SPTBN1: variants seen among roughly 807,000 people sequenced by gnomAD.
SPTBN1 encodes spectrin beta chain, non-erythrocytic 1.
In SPTBN1, 32 loss-of-function variants were observed where a neutral mutation model predicts 266.4. That is an observed-to-expected ratio of 0.12 (90% confidence interval 0.09 to 0.16). SPTBN1 has a LOEUF of 0.16. Among genes scored for constraint, SPTBN1 ranks in the 10% least tolerant of loss-of-function variants. The pLI is 1.00. For synonymous variants in SPTBN1, 1,336 were observed against 1,162.2 expected (o/e 1.15, Z -3.04); for missense variants, 2,296 against 3,067.1 (o/e 0.75, Z 5.94).
At chr2:54,494,849 C>G (rs1431330302) in intron 1 of SPTBN1, among the ~76,000 whole-genome samples, 6 of 151,334 alleles carry the variant, frequency 4.0e-5, no homozygotes, top group African/African-American at 1.2e-4. Context: ...ATACATAGGT[C>G]AAAACTTGCC....
At chr2:54,539,828 C>T (rs1489095674) in intron 2 of SPTBN1, among the ~76,000 whole-genome samples, 1 of 151,212 alleles carries the variant, frequency 6.6e-6, no homozygotes, top group Non-Finnish European at 1.5e-5. Flanking sequence ...AGGTGTGAGC[C>T]ACTGTGCGTG....
intron 28 of SPTBN1, 91 bp downstream of exon 28, chr2:54,655,299 T>TG: frequency 6.7e-7 from 1 of 1,498,638 alleles, no homozygotes; most frequent in Non-Finnish European, 9.1e-7. Flanking sequence ...AGATACTGTG[T>TG]TTACATTCTT....
In SPTBN1 at chr2:54,612,398, T is replaced by C. The variant is rs778800472; in HGVS notation, c.474+64T>C. 44 of 1,522,910 alleles carry C rather than the reference T, an allele frequency of 2.9e-5. No homozygotes were observed. The South Asian group carries it at 3.7e-4, about 13-fold the overall frequency. The allele number at this position is 1,522,910 out of a possible 1,614,324, so 94.3% of individuals were successfully genotyped here. On this transcript the variant is annotated intron_variant, in intron 4 of 35. Transcript: ENST00000356805. Reference sequence around the variant, plus strand: ...GACCTCTCAGGTATGAGCATTGTTATAGAGCTGGCCTCCCTGTATCAGAGG... The same window carrying C: ...GACCTCTCAGGTATGAGCATTGTTACAGAGCTGGCCTCCCTGTATCAGAGG...
At chr2:54,504,667 A>G (rs920884771) in intron 1 of SPTBN1, among the ~76,000 whole-genome samples, 2 of 152,142 alleles carry the variant, frequency 1.3e-5, no homozygotes, top group Non-Finnish European at 2.9e-5. Flanking sequence ...TATATAAGGG[A>G]CCTGAGCGTC....
Position 54,473,767 on chromosome 2 carries a change from A to G in SPTBN1, c.-48+17249A>G, listed in dbSNP as rs72913102. ...AGCAGGCAAAAAGTTAAATACTCAAATGTTCCTTTTCTGGATTATTGTCTG... is the reference window on the plus strand; with the variant it reads ...AGCAGGCAAAAAGTTAAATACTCAAGTGTTCCTTTTCTGGATTATTGTCTG... On this transcript the variant is annotated intron_variant, in intron 1 of 35. Coordinates refer to ENST00000356805, the MANE Select transcript of SPTBN1 (RefSeq NM_003128.3). 9.9e-3 allele frequency among the ~76,000 whole-genome samples: 1,504 copies of G among 152,306 alleles called. 33 individuals are homozygous for G. The highest frequency in any genetic ancestry group is 0.034 in the African/African-American group (1,428 of 41,558).
intron 18 of SPTBN1, 149 bp downstream of exon 18, chr2:54,637,952 T>C: frequency 3.2e-6 from 2 of 628,000 alleles, no homozygotes; most frequent in Non-Finnish European, 5.6e-6. Flanking sequence ...TACGTGGCAC[T>C]TCATCAGTTC....
In SPTBN1 at chr2:54,493,344, T is replaced by A. The variant is rs115723058; in HGVS notation, c.-47-33028T>A. Among the ~76,000 whole-genome samples, 1,170 of 151,516 alleles carry A rather than the reference T, an allele frequency of 7.7e-3. 16 individuals are homozygous for A. Among genetic ancestry groups the A allele is most frequent in the African/African-American group, 0.027 (1,123 of 41,392 alleles). ...TTGATGTTTCTAGTTTTCTTATAAT[T>A]TCCTTCTGTGTTCTGGGTTGCTCTT... is the stretch of plus-strand genomic sequence containing the variant. On this transcript the variant is annotated intron_variant, in intron 1 of 35. Coordinates refer to ENST00000356805, the MANE Select transcript of SPTBN1 (RefSeq NM_003128.3).
At chr2:54,503,589 A>G (rs562465889) in intron 1 of SPTBN1, among the ~76,000 whole-genome samples, 16 of 152,350 alleles carry the variant, frequency 1.1e-4, no homozygotes, top group Non-Finnish European at 2.4e-4. Context: ...CTTGTAGGTC[A>G]TTATTTTGAT....
rs181167776 is a variant in SPTBN1, at chr2:54,563,437, A to G, written c.149-35655A>G. ...TGAAGTGCTCTGTCTTCCTTGGGAC[A>G]TAGAGATTAAAGAATTTCAGGTCAT... On this transcript the variant is annotated intron_variant, in intron 2 of 35. Coordinates refer to ENST00000356805, the MANE Select transcript of SPTBN1 (RefSeq NM_003128.3). 2.6e-3 allele frequency among the ~76,000 whole-genome samples: 394 copies of G among 152,282 alleles called. 2 individuals carry two copies. The highest frequency in any genetic ancestry group is 6.7e-3 in the Admixed American group (102 of 15,292).
chr2:54,615,262 G>T (rs1192158639), intron 4 of SPTBN1, among the ~76,000 whole-genome samples: 2 of 152,104 alleles, frequency 1.3e-5, no homozygotes, highest in Non-Finnish European at 1.5e-5. Context: ...ATTCTGGGAA[G>T]TGTTTGTAGA....
intron 3 of SPTBN1, 40 bp from the exon 4 acceptor site, chr2:54,612,121 G>A (rs966326412): frequency 6.5e-7 from 1 of 1,544,456 alleles, no homozygotes; most frequent in Non-Finnish European, 8.8e-7. Flanking sequence ...TCTCTACTCT[G>A]TTGGGTGATG....
rs1479029020 is a variant in SPTBN1 at position 54,558,301 on chromosome 2, G to A, written c.148+31735G>A. ...TAGCCTGCATTTCTAATACAATGCT[G>A]TTATGCTAATCAGGTGACATCACCG... On this transcript the variant is annotated intron_variant, in intron 2 of 35. Transcript: ENST00000356805. The surrounding 1 kb of genome is among the most constrained non-coding windows in gnomAD (Gnocchi z 4.6). 6 of 986,884 alleles carry A rather than the reference G, an allele frequency of 6.1e-6. No homozygotes were observed. Among genetic ancestry groups the A allele is most frequent in the Admixed American group, 6.1e-5 (1 of 16,352 alleles). 61.1% of individuals were successfully genotyped at this position (986,884 alleles called of 1,614,324 possible). A position where few individuals can be genotyped will look rare whatever the true frequency, so the allele number is the denominator to read the frequency against.
At chr2:54,501,263 A>G (rs1469516364) in intron 1 of SPTBN1, among the ~76,000 whole-genome samples, 1 of 152,184 alleles carries the variant, frequency 6.6e-6, no homozygotes, top group East Asian at 1.9e-4. Flanking sequence ...GAGGCATGAT[A>G]AACTGCCTCT....
chr2:54,487,439 T>C (rs1309459475), intron 1 of SPTBN1, among the ~76,000 whole-genome samples: 1 of 152,184 alleles, frequency 6.6e-6, no homozygotes, highest in Non-Finnish European at 1.5e-5. Context: ...TGCAGAGTAA[T>C]GATGATTCAA....
chr2:54,668,078 A>G (rs1386113651), intron 35 of SPTBN1, among the ~76,000 whole-genome samples: 2 of 152,212 alleles, frequency 1.3e-5, no homozygotes, highest in Non-Finnish European at 2.9e-5. Context: ...CTAGGGTGGG[A>G]TCTGACCACC....
At position 54,649,784 on chromosome 2, in the gene SPTBN1, T is replaced by A; in HGVS notation, c.5372T>A (p.Leu1791Gln). 1 of 1,614,206 alleles carries A rather than the reference T, an allele frequency of 6.2e-7. No individual in the cohort carries two copies. The highest frequency in any genetic ancestry group is 8.5e-7 in the Non-Finnish European group (1 of 1,180,038). ...CTCAATGAAGCCTGGGCCGACCTCCTGGAGCTCATTGACACAAGAACACAG... is the reference window on the plus strand; with the variant it reads ...CTCAATGAAGCCTGGGCCGACCTCCAGGAGCTCATTGACACAAGAACACAG... ...DGLNEAWADL[L>Q]ELIDTRTQIL... is the part of the protein sequence containing the mutation. Residue 1791 changes from leucine (L) to glutamine (Q), a missense_variant, in exon 26 of 36, where the codon CTG (leucine) becomes CAG (glutamine). This residue lies in a region of SPTBN1 where 644 missense variants were observed against 745.3 expected (regional missense o/e 0.86). Transcript: ENST00000356805. The surrounding 1 kb of genome is among the most constrained non-coding windows in gnomAD (Gnocchi z 6.7).
rs547095313 is a variant in SPTBN1 at position 54,650,952 on chromosome 2, T to A, written c.5577+963T>A. ...AGGGACCACCTTGATAGTTGTTCTC[T>A]CTCACTTCCCCTTAATTCTTAATTC... On this transcript the variant is annotated intron_variant, in intron 26 of 35. Coordinates refer to ENST00000356805, the MANE Select transcript of SPTBN1 (RefSeq NM_003128.3). 2.6e-5 allele frequency among the ~76,000 whole-genome samples: 4 copies of A among 152,348 alleles called. No homozygotes were observed. The South Asian group carries it at 8.3e-4, about 32-fold the overall frequency.
chr2:54,465,732 A>G (rs1318640404), intron 1 of SPTBN1, among the ~76,000 whole-genome samples: 1 of 150,494 alleles, frequency 6.6e-6, no homozygotes, highest in Non-Finnish European at 1.5e-5. Context: ...AGGGAGGCAC[A>G]TATTTTAAAA....
intron 1 of SPTBN1, among the ~76,000 whole-genome samples, chr2:54,477,740 C>T (rs1432657618): frequency 6.6e-6 from 1 of 152,028 alleles, no homozygotes; most frequent in Non-Finnish European, 1.5e-5. Context: ...GGTGAAACCC[C>T]GTCTCTACTA....
Sources: gnomAD v4.1 joint callset for allele counts (sites outside exome capture counted in the v4.1 genomes callset) on GRCh38, gnomAD v4.1.1 for gene constraint, gnomAD v4.1.1 regional missense constraint, Gnocchi (gnomAD v3.1) non-coding constraint, MANE v1.5 for transcripts, NCBI Gene and HGNC (gene_info 2026-07-23, HGNC 2026-07-21) for gene names.